EBPL: variants seen among roughly 807,000 people sequenced by gnomAD.
EBPL encodes the protein EBP like.
A neutral mutation model predicts 19.0 loss-of-function variants in EBPL; 20 were observed. The observed-to-expected ratio is 1.05, with a 90% CI of 0.74 to 1.53. The LOEUF (loss-of-function observed/expected upper bound fraction) is 1.53, where lower values mean the gene tolerates loss of function less well. Ranked by LOEUF, EBPL falls within the 40% of genes most tolerant of loss-of-function variation. The pLI, the probability that EBPL is intolerant of heterozygous loss-of-function variation, is 0.00. For missense variants in EBPL, 219 were observed against 261.1 expected (o/e 0.84, Z 1.11); for synonymous variants, 107 against 117.0 (o/e 0.91, Z 0.55).
At chr13:49,690,161 CA>C (rs1235351097) in intron 1 of EBPL, among the ~76,000 whole-genome samples, 461 of 19,106 alleles carry the variant, frequency 0.024, 5 homozygotes, top group Middle Eastern at 0.079. Flanking sequence ...AGAACAACAA[CA>C]AAAAAAAAGA....
intron 1 of EBPL, among the ~76,000 whole-genome samples, chr13:49,670,380 T>C (rs1034898162): frequency 3.9e-5 from 6 of 152,228 alleles, no homozygotes; most frequent in African/African-American, 1.4e-4. Context: ...TAATAAAATA[T>C]CTGCAATTAC....
At position 49,671,045 on chromosome 13, in the gene EBPL, C is replaced by T. The variant is rs143652489; in HGVS notation, c.172-1199G>A. 2.4e-4 allele frequency among the ~76,000 whole-genome samples: 36 copies of T among 152,292 alleles called. 1 individual carries two copies. In the South Asian group the frequency reaches 4.1e-3, roughly 18 times the overall value. Reference sequence around the variant, plus strand: ...TACAATGTTGTGATTATGGAAACAGCGTTCACTGTAATGGGCCACAATTTC... The same window carrying T: ...TACAATGTTGTGATTATGGAAACAGTGTTCACTGTAATGGGCCACAATTTC... On this transcript the variant is annotated intron_variant, in intron 1 of 3. Transcript: ENST00000242827.
At chr13:49,672,878 T>C (rs1221477607) in intron 1 of EBPL, among the ~76,000 whole-genome samples, 3 of 152,170 alleles carry the variant, frequency 2.0e-5, no homozygotes, top group South Asian at 4.2e-4. Context: ...GCCAACATGG[T>C]GAAACCCCAC....
chr13:49,689,373 A>G (rs1954035392), intron 1 of EBPL, among the ~76,000 whole-genome samples: 2 of 152,078 alleles, frequency 1.3e-5, no homozygotes, highest in South Asian at 4.1e-4. Flanking sequence ...TTCCCAAGAT[A>G]GAGTCTTGCT....
intron 1 of EBPL, among the ~76,000 whole-genome samples, chr13:49,690,342 C>G (rs1954047919): frequency 6.7e-6 from 1 of 149,502 alleles, no homozygotes; most frequent in Non-Finnish European, 1.5e-5. Context: ...CAAAACTCGG[C>G]TTGCTTTCTC....
At chr13:49,664,265 C>A (rs752108660) in intron 2 of EBPL, among the ~76,000 whole-genome samples, 2 of 152,108 alleles carry the variant, frequency 1.3e-5, no homozygotes, top group Non-Finnish European at 2.9e-5. Context: ...TACAACAACA[C>A]GTTTATTAAT....
At chr13:49,669,645 T>G (rs1953788833) in intron 2 of EBPL, 132 bp downstream of exon 2, 2 of 757,172 alleles carry the variant, frequency 2.6e-6, no homozygotes, top group Non-Finnish European at 2.1e-6. Context: ...ATCTACAGTA[T>G]CTCTACAGAC....
intron 2 of EBPL, among the ~76,000 whole-genome samples, chr13:49,664,358 G>A (rs969032096): frequency 5.9e-5 from 9 of 152,160 alleles, no homozygotes; most frequent in Non-Finnish European, 1.3e-4. Context: ...ATCGGAGTGG[G>A]CAGAGGGGCA....
intron 2 of EBPL, chr13:49,668,366 G>T (rs1045862287): frequency 3.0e-5 from 7 of 233,880 alleles, no homozygotes; most frequent in Middle Eastern, 1.7e-3. Flanking sequence ...GAGGTCAGGA[G>T]ATCGAGACCA....
In EBPL at chr13:49,663,136, C is replaced by T. The variant is rs1965173566; in HGVS notation, c.301G>A (p.Val101Met). The change falls in exon 3 of 4, where the codon GTG (valine) becomes ATG (methionine). Residue 101 changes from valine to methionine, a missense_variant. Transcript: ENST00000242827. ...TCCAGGGCGACGGTCAGAATTTCCA[C>T]AGACACAATGGTTGGATCAAAATAA... ...WVYFDPTIVS[V>M]EILTVALDGS... is the part of the protein sequence containing the mutation. The T allele has an allele frequency of 6.2e-7, 1 of 1,614,080 alleles. No homozygotes were observed. Among genetic ancestry groups the T allele is most frequent in the African/African-American group, 1.3e-5 (1 of 74,930 alleles).
chr13:49,682,936 G>A (rs575388036), intron 1 of EBPL, among the ~76,000 whole-genome samples: 1 of 152,138 alleles, frequency 6.6e-6, no homozygotes, highest in African/African-American at 2.4e-5. Context: ...ACCTAGAACC[G>A]TGTTTAGGAA....
intron 1 of EBPL, among the ~76,000 whole-genome samples, chr13:49,677,789 T>C (rs1953892142): frequency 6.6e-6 from 1 of 152,194 alleles, no homozygotes; most frequent in African/African-American, 2.4e-5. Flanking sequence ...GGTGGGTTCT[T>C]GGTCTCAATG....
Position 49,691,465 on chromosome 13 carries a change from A to C in EBPL, c.-41T>G. The stretch of plus-strand genomic sequence containing the variant: ...CGCCAACGGCCCAGGACCATGCGGC[A>C]GAGGAAAGCAGGGAGAGAAACGACG... On this transcript the variant is annotated 5_prime_UTR_variant, in exon 1 of 4. Transcript: ENST00000242827. 7.8e-7 allele frequency: 1 copy of C among 1,287,392 alleles called. No homozygotes were observed. The highest frequency in any genetic ancestry group is 9.8e-7 in the Non-Finnish European group (1 of 1,015,596). The allele number at this position is 1,287,392 out of a possible 1,614,324, so 79.7% of individuals were successfully genotyped here.
chr13:49,669,964 G>A, intron 1 of EBPL, 118 bp from the exon 2 acceptor site: 1 of 768,294 alleles, frequency 1.3e-6, no homozygotes, highest in Non-Finnish European at 2.2e-6. Flanking sequence ...TCACATCCTG[G>A]CCACAGCCTG....
intron 1 of EBPL, among the ~76,000 whole-genome samples, chr13:49,679,640 C>T (rs1019139318): frequency 6.6e-6 from 1 of 152,128 alleles, no homozygotes; most frequent in Non-Finnish European, 1.5e-5. Context: ...TAGCTGGGAC[C>T]ATAGGTGTGC....
intron 1 of EBPL, among the ~76,000 whole-genome samples, chr13:49,670,865 C>G (rs1953808496): frequency 6.6e-6 from 1 of 152,204 alleles, no homozygotes; most frequent in African/African-American, 2.4e-5. Flanking sequence ...CTACCAGGCT[C>G]CCCGCACCCT....
In EBPL at chr13:49,661,212, T is replaced by C. The variant is rs1182881036; in HGVS notation, c.381-4A>G. On this transcript the variant is annotated splice_region_variant and splice_polypyrimidine_tract_variant and intron_variant, in intron 3 of 3. Coordinates refer to ENST00000242827, the MANE Select transcript of EBPL (RefSeq NM_032565.5). Reference sequence around the variant, plus strand: ...CAGGGTGATCTGCAGGAAATGCCTGTTGGAGAGAAAGAAGCCCGGGATGAA... The same window carrying C: ...CAGGGTGATCTGCAGGAAATGCCTGCTGGAGAGAAAGAAGCCCGGGATGAA... 2 of 1,607,828 alleles carry C rather than the reference T, an allele frequency of 1.2e-6. No homozygotes were observed. Among genetic ancestry groups the C allele is most frequent in the Admixed American group, 1.7e-5 (1 of 59,004 alleles).
intron 1 of EBPL, among the ~76,000 whole-genome samples, chr13:49,690,418 C>CA (rs33964235): frequency 0.19 from 16,280 of 87,706 alleles, 1,246 homozygotes; most frequent in Non-Finnish European, 0.21. Context: ...GTCAACTTTA[C>CA]AAAAAAAAAA....
intron 1 of EBPL, among the ~76,000 whole-genome samples, chr13:49,678,966 C>G (rs67394151): frequency 3.6e-5 from 5 of 138,840 alleles, no homozygotes; most frequent in Admixed American, 7.5e-5. Flanking sequence ...GAGTCAAGAT[C>G]GTGTGTGTCT....
Sources: gnomAD v4.1 joint callset for allele counts (sites outside exome capture counted in the v4.1 genomes callset) on GRCh38, gnomAD v4.1.1 for gene constraint, MANE v1.5 for transcripts, NCBI Gene and HGNC (gene_info 2026-07-23, HGNC 2026-07-21) for gene names.